The following SAMD5 variants were observed in gnomAD, a reference collection of about 807,000 sequenced individuals.
The protein encoded by SAMD5 is sterile alpha motif domain containing 5, also known as sterile alpha motif domain-containing protein 5.
In SAMD5, 13 loss-of-function variants were observed where a neutral mutation model predicts 11.3. The observed-to-expected ratio is 1.15, with a 90% confidence interval of 0.75 to 1.83. The LOEUF is 1.83. Ranked by LOEUF, SAMD5 falls within the 40% of genes most tolerant of loss-of-function variation. The pLI is 0.00. For missense variants in SAMD5, 255 were observed against 239.1 expected, an observed-to-expected ratio of 1.07 and a Z score of -0.44; for synonymous variants, 129 against 111.3, an observed-to-expected ratio of 1.16 and a Z score of -1.00.
At chr6:147,627,438 T>C (rs1232344964) in intron 1 of SAMD5, among the ~76,000 whole-genome samples, 1 of 152,188 alleles carries the variant, frequency 6.6e-6, no homozygotes, top group African/African-American at 2.4e-5. Flanking sequence ...ATCTATTTAG[T>C]AAAATTAGGA....
At chr6:147,855,602 G>A in the SAMD5 span, among the ~76,000 whole-genome samples, 1 of 152,094 alleles carries the variant, frequency 6.6e-6, no homozygotes, top group Non-Finnish European at 1.5e-5. Context: ...GATCTTCAAA[G>A]TTTGTTCCAA....
chr6:147,796,512 C>G, the SAMD5 span, among the ~76,000 whole-genome samples: 2 of 152,148 alleles, frequency 1.3e-5, no homozygotes, highest in East Asian at 3.9e-4. Flanking sequence ...ATGCCTCCAG[C>G]TTTGTTCTTT....
At chr6:147,916,380 G>T in the SAMD5 span, among the ~76,000 whole-genome samples, 1 of 152,098 alleles carries the variant, frequency 6.6e-6, no homozygotes, top group African/African-American at 2.4e-5. Context: ...CAGTGTAAAA[G>T]TGTTCCTATT....
chr6:147,922,004 T>C, the SAMD5 span, among the ~76,000 whole-genome samples: 1 of 152,182 alleles, frequency 6.6e-6, no homozygotes, highest in African/African-American at 2.4e-5. Flanking sequence ...GAAAACACAA[T>C]TTAAAAACTC....
intron 1 of SAMD5, among the ~76,000 whole-genome samples, chr6:147,610,829 A>G (rs1240296017): frequency 6.6e-6 from 1 of 151,448 alleles, no homozygotes; most frequent in Non-Finnish European, 1.5e-5. Context: ...AACTGGAGAG[A>G]GATTGATGCG....
At chr6:147,798,585 C>T in the SAMD5 span, among the ~76,000 whole-genome samples, 27 of 151,940 alleles carry the variant, frequency 1.8e-4, no homozygotes, top group East Asian at 5.8e-4. Flanking sequence ...CTATTAGGTC[C>T]GCTTGGTGCA....
At chr6:147,800,424 G>A in the SAMD5 span, among the ~76,000 whole-genome samples, 2 of 152,144 alleles carry the variant, frequency 1.3e-5, no homozygotes, top group African/African-American at 2.4e-5. Flanking sequence ...CAGTCTGCCC[G>A]TTCTCAGATC....
At chr6:147,919,623 C>T in the SAMD5 span, among the ~76,000 whole-genome samples, 1 of 152,160 alleles carries the variant, frequency 6.6e-6, no homozygotes, top group Non-Finnish European at 1.5e-5. Flanking sequence ...AACCACAATA[C>T]TTTTCCTTTG....
chr6:147,797,554 C>G, the SAMD5 span, among the ~76,000 whole-genome samples: 2 of 89,380 alleles, frequency 2.2e-5, no homozygotes, highest in Non-Finnish European at 4.0e-5. Context: ...CTCTGCCCGG[C>G]TTTGGTATCA....
At chr6:147,749,300 G>T in the SAMD5 span, among the ~76,000 whole-genome samples, 28 of 151,858 alleles carry the variant, frequency 1.8e-4, no homozygotes, top group East Asian at 5.3e-3. Context: ...CTCCCAAGTA[G>T]CTGGGATTAC....
At chr6:147,857,963 A>C in the SAMD5 span, among the ~76,000 whole-genome samples, 2 of 113,462 alleles carry the variant, frequency 1.8e-5, no homozygotes, top group Non-Finnish European at 4.0e-5. Context: ...CCCCAGTCTG[A>C]TTGTTGCCTC....
chr6:147,698,831 G>A (rs941995987), intron 1 of SAMD5, among the ~76,000 whole-genome samples: 4 of 152,154 alleles, frequency 2.6e-5, no homozygotes, highest in African/African-American at 9.7e-5. Flanking sequence ...TGGAATTCCT[G>A]GGCAGAGTTG....
chr6:147,722,491 T>A (rs1009414168), intron 1 of SAMD5, among the ~76,000 whole-genome samples: 5 of 152,214 alleles, frequency 3.3e-5, no homozygotes, highest in Admixed American at 6.5e-5. Context: ...TTTGTCCTCA[T>A]AGAAAACTCT....
At chr6:147,910,239 T>G in the SAMD5 span, among the ~76,000 whole-genome samples, 7 of 152,140 alleles carry the variant, frequency 4.6e-5, no homozygotes, top group African/African-American at 1.7e-4. Flanking sequence ...CTGGGGACCC[T>G]CAGTTCTCAT....
At chr6:147,688,461 A>C (rs1414611675) in intron 1 of SAMD5, among the ~76,000 whole-genome samples, 3 of 152,222 alleles carry the variant, frequency 2.0e-5, no homozygotes, top group African/African-American at 4.8e-5. Context: ...GATTGCTTGA[A>C]TACAAAGAGG....
intron 1 of SAMD5, among the ~76,000 whole-genome samples, chr6:147,626,228 C>T (rs192998208): frequency 6.6e-6 from 1 of 152,040 alleles, no homozygotes; most frequent in African/African-American, 2.4e-5. Flanking sequence ...GTGCCAGCAA[C>T]CCCCATCTCA....
chr6:147,606,254 A>G (rs1789697999), intron 1 of SAMD5, among the ~76,000 whole-genome samples: 1 of 152,142 alleles, frequency 6.6e-6, no homozygotes, highest in African/African-American at 2.4e-5. Context: ...GGTGGCCTTC[A>G]GTGACTTTGG....
At chr6:147,917,575 G>C in the SAMD5 span, among the ~76,000 whole-genome samples, 1 of 151,962 alleles carries the variant, frequency 6.6e-6, no homozygotes, top group Non-Finnish European at 1.5e-5. Flanking sequence ...GATCCCATTT[G>C]TCAATTTTGT....
At chr6:147,734,955 A>G (rs936568168) in intron 1 of SAMD5, among the ~76,000 whole-genome samples, 2 of 152,076 alleles carry the variant, frequency 1.3e-5, no homozygotes, top group Non-Finnish European at 2.9e-5. Flanking sequence ...TGCCAAAATG[A>G]TATATGTGCC....
Sources: gnomAD v4.1 joint callset for allele counts (sites outside exome capture counted in the v4.1 genomes callset) on GRCh38, gnomAD v4.1.1 for gene constraint, MANE v1.5 for transcripts, NCBI Gene and HGNC (gene_info 2026-07-23, HGNC 2026-07-21) for gene names.